Variants in NRXN1 observed in about 807,000 individuals in gnomAD.
The protein encoded by NRXN1 is neurexin-1.
NRXN1 carries 39 observed loss-of-function variants against 150.9 expected under a neutral mutation model. The ratio of observed to expected loss-of-function variants is 0.26; its 90% confidence interval spans 0.20 to 0.34. NRXN1 has a LOEUF of 0.34. NRXN1 is among the 10% of genes least tolerant of loss of function. The pLI, the probability that NRXN1 is intolerant of heterozygous loss-of-function variation, is 1.00. For synonymous variants in NRXN1, 924 were observed against 757.0 expected, an observed-to-expected ratio of 1.22 and a Z score of -3.62; for missense variants, 1,815 against 1,949.9, an observed-to-expected ratio of 0.93 and a Z score of 1.30.
intron 17 of NRXN1, among the ~76,000 whole-genome samples, chr2:50,297,382 T>G (rs2073711649): frequency 6.6e-6 from 1 of 152,216 alleles, no homozygotes; most frequent in South Asian, 2.1e-4. Context: ...ATAGCTTGCT[T>G]TTTTAATTCA....
At chr2:50,891,813 TG>T (rs1385976862) in intron 5 of NRXN1, among the ~76,000 whole-genome samples, 1 of 152,070 alleles carries the variant, frequency 6.6e-6, no homozygotes, top group Non-Finnish European at 1.5e-5. Flanking sequence ...TTTTGAAACA[TG>T]AGTAGCGGGC....
chr2:50,206,968 CAT>C (rs1444468017), intron 18 of NRXN1, among the ~76,000 whole-genome samples: 1 of 151,432 alleles, frequency 6.6e-6, no homozygotes, highest in Non-Finnish European at 1.5e-5. Flanking sequence ...ATTTTAATAT[CAT>C]GTCATAATAT....
chr2:50,554,649 G>A (rs1301431855), intron 8 of NRXN1, among the ~76,000 whole-genome samples: 1 of 152,104 alleles, frequency 6.6e-6, no homozygotes, highest in Non-Finnish European at 1.5e-5. Context: ...AAAAATCAAT[G>A]CTTTATCATC....
chr2:50,160,148 G>T (rs532360297), intron 18 of NRXN1, among the ~76,000 whole-genome samples: 7 of 151,208 alleles, frequency 4.6e-5, no homozygotes, highest in Admixed American at 4.0e-4. Flanking sequence ...CATAGTGAGG[G>T]ATCAAAGGAT....
At chr2:50,221,424 G>A (rs1436096737) in intron 18 of NRXN1, among the ~76,000 whole-genome samples, 2 of 151,882 alleles carry the variant, frequency 1.3e-5, no homozygotes, top group African/African-American at 4.8e-5. Context: ...TATTCTTAAT[G>A]CCTATTAAAC....
chr2:50,438,875 G>A (rs1045644786), intron 17 of NRXN1, among the ~76,000 whole-genome samples: 2 of 152,178 alleles, frequency 1.3e-5, no homozygotes, highest in Non-Finnish European at 2.9e-5. Context: ...TCTTCTGGTG[G>A]CTTCTCCTAT....
intron 21 of NRXN1, among the ~76,000 whole-genome samples, chr2:49,990,692 G>A (rs1681777279): frequency 6.6e-6 from 1 of 152,060 alleles, no homozygotes; most frequent in Non-Finnish European, 1.5e-5. Context: ...ATGAGTGAAG[G>A]ATGATCTTAA....
chr2:50,563,298 T>C (rs913816257), intron 8 of NRXN1, among the ~76,000 whole-genome samples: 1 of 152,218 alleles, frequency 6.6e-6, no homozygotes, highest in Non-Finnish European at 1.5e-5. Flanking sequence ...TAAATGAGTT[T>C]GACAATTTTA....
intron 12 of NRXN1, among the ~76,000 whole-genome samples, chr2:50,522,326 T>C (rs1445912353): frequency 1.3e-5 from 2 of 152,356 alleles, no homozygotes; most frequent in Non-Finnish European, 2.9e-5. Flanking sequence ...GCAATTGTTA[T>C]AATGCCGACT....
intron 18 of NRXN1, among the ~76,000 whole-genome samples, chr2:50,139,460 T>C (rs1706934032): frequency 1.3e-5 from 2 of 152,066 alleles, no homozygotes; most frequent in South Asian, 2.1e-4. Context: ...GGACATTAAG[T>C]AGACAGATTC....
chr2:50,310,879 T>C (rs908378910), intron 17 of NRXN1, among the ~76,000 whole-genome samples: 3 of 152,162 alleles, frequency 2.0e-5, no homozygotes, highest in Non-Finnish European at 4.4e-5. Context: ...ATAATTACCA[T>C]GTGGTAGAAT....
At chr2:50,036,413 T>C (rs556535410) in intron 21 of NRXN1, among the ~76,000 whole-genome samples, 2 of 152,252 alleles carry the variant, frequency 1.3e-5, no homozygotes, top group South Asian at 4.1e-4. Flanking sequence ...TAAATTACCC[T>C]GTCTCAAGCA....
At chr2:49,946,333 G>T (rs1178404829) in intron 21 of NRXN1, among the ~76,000 whole-genome samples, 1 of 152,064 alleles carries the variant, frequency 6.6e-6, no homozygotes, top group Non-Finnish European at 1.5e-5. Flanking sequence ...CCATTCTGTA[G>T]GTTGCCTGTC....
At chr2:50,778,413 G>A (rs911808205) in intron 5 of NRXN1, among the ~76,000 whole-genome samples, 10 of 152,102 alleles carry the variant, frequency 6.6e-5, no homozygotes, top group South Asian at 2.1e-4. Flanking sequence ...CCCAGACTAC[G>A]AAAAAGAGTG....
intron 18 of NRXN1, among the ~76,000 whole-genome samples, chr2:50,136,608 A>T (rs1469680355): frequency 6.6e-6 from 1 of 152,158 alleles, no homozygotes; most frequent in East Asian, 1.9e-4. Flanking sequence ...GGACCCCGGG[A>T]TGTATTATAC....
intron 18 of NRXN1, among the ~76,000 whole-genome samples, chr2:50,167,384 T>C (rs868743944): frequency 6.6e-6 from 1 of 152,228 alleles, no homozygotes; most frequent in South Asian, 2.1e-4. Context: ...GTAAAGGCCA[T>C]TTCATCTTGT....
intron 5 of NRXN1, among the ~76,000 whole-genome samples, chr2:50,881,809 A>C (rs1679475001): frequency 6.6e-6 from 1 of 151,852 alleles, no homozygotes; most frequent in African/African-American, 2.4e-5. Flanking sequence ...TTTTAATATA[A>C]AATTATTATT....
At chr2:50,722,044 C>T (rs987651367) in intron 5 of NRXN1, among the ~76,000 whole-genome samples, 1 of 151,918 alleles carries the variant, frequency 6.6e-6, no homozygotes, top group African/African-American at 2.4e-5. Flanking sequence ...TCTAGGCTCC[C>T]ACTGCTCTTT....
intron 2 of NRXN1, among the ~76,000 whole-genome samples, chr2:51,022,603 G>A (rs1669799176): frequency 6.6e-6 from 1 of 152,016 alleles, no homozygotes; most frequent in Non-Finnish European, 1.5e-5. Context: ...AACTATTGAT[G>A]AGTTTCTGTG....
Sources: gnomAD v4.1 joint callset for allele counts (sites outside exome capture counted in the v4.1 genomes callset) on GRCh38, gnomAD v4.1.1 for gene constraint, MANE v1.5 for transcripts, NCBI Gene and HGNC (gene_info 2026-07-23, HGNC 2026-07-21) for gene names.